The following GALNT5 variants were observed in gnomAD, a reference collection of about 807,000 sequenced individuals.
GALNT5 encodes polypeptide N-acetylgalactosaminyltransferase 5.
A neutral mutation model predicts 85.4 loss-of-function variants in GALNT5; 72 were observed. The observed-to-expected ratio is 0.84, with a 90% CI of 0.70 to 1.03. The LOEUF (loss-of-function observed/expected upper bound fraction) is 1.03. Ranked by LOEUF, GALNT5 falls within the 50% of genes least tolerant of loss-of-function variation. The probability of loss-of-function intolerance (pLI) is 0.00; values close to 1 mark genes in which losing one functional copy is unlikely to be tolerated. For missense variants in GALNT5, 1,137 were observed against 1,135.5 expected (o/e 1.00, Z -0.02); for synonymous variants, 404 against 397.0 (o/e 1.02, Z -0.21).
chr2:157,271,126 G>A (rs375880680), intron 1 of GALNT5, among the ~76,000 whole-genome samples: 1 of 151,900 alleles, frequency 6.6e-6, no homozygotes, highest in Non-Finnish European at 1.5e-5. Context: ...ATGTGAAAGC[G>A]TTGTCAGAGA....
chr2:157,305,819 G>A lies in GALNT5; in HGVS notation c.2510G>A (p.Gly837Glu), dbSNP rs1382445740. 1 of 1,588,804 alleles carries A rather than the reference G, an allele frequency of 6.3e-7. No homozygotes were observed. Among genetic ancestry groups the A allele is most frequent in the South Asian group, 1.1e-5 (1 of 90,544 alleles). ...ACAGTCATTCTGGAAGACTGCGATG[G>A]GAGCAAAGAGGTATGCTAAACTGTT... ...NTTVILEDCD[G>E]SKELQQFNYT... Residue 837 changes from glycine to glutamate, a missense_variant, in exon 8 of 10, where the codon GGG (glycine) becomes GAG (glutamate). Physicochemically the swap from Gly to Glu is moderately conservative, Grantham distance 98 (BLOSUM62 -2). Coordinates refer to ENST00000259056, the MANE Select transcript of GALNT5 (RefSeq NM_014568.3).
At chr2:157,292,130 CA>C (rs1376371553) in intron 3 of GALNT5, among the ~76,000 whole-genome samples, 1 of 152,066 alleles carries the variant, frequency 6.6e-6, no homozygotes, top group African/African-American at 2.4e-5. Context: ...CTTCATAGGG[CA>C]AAGCTCAAAA....
chr2:157,262,804 T>G (rs2105144436), intron 1 of GALNT5, among the ~76,000 whole-genome samples: 1 of 150,516 alleles, frequency 6.6e-6, no homozygotes, highest in South Asian at 2.1e-4. Context: ...AATGTTAAGA[T>G]TCAATTTCAC....
chr2:157,285,085 G>A (rs931543119), intron 2 of GALNT5, among the ~76,000 whole-genome samples: 3 of 152,154 alleles, frequency 2.0e-5, no homozygotes, highest in African/African-American at 7.2e-5. Flanking sequence ...ATTCCCAAAT[G>A]GAACCCATTT....
In GALNT5 at chr2:157,258,726, A is replaced by T; in HGVS notation, c.644A>T (p.Asp215Val). ...ACATCAAAACTAGCAGCTGAAAGGG[A>T]CTTGAATGTGACCATCAGTCTTAGT... is the stretch of plus-strand genomic sequence containing the variant. ...SDTSKLAAERDLNVTISLSTD... is the reference protein window; with the variant it reads ...SDTSKLAAERVLNVTISLSTD... The change falls in exon 1 of 10, where the codon GAC becomes GTC. Residue 215 changes from aspartate (D) to valine (V), a missense_variant. Asp to Val is a radical substitution (Grantham distance 152, BLOSUM62 -3). Transcript: ENST00000259056. 6.2e-7 allele frequency: 1 copy of T among 1,614,036 alleles called. No individual in the cohort carries two copies. The highest frequency in any genetic ancestry group is 1.3e-5 in the African/African-American group (1 of 75,020).
intron 2 of GALNT5, among the ~76,000 whole-genome samples, chr2:157,285,365 G>A (rs1418388399): frequency 6.6e-6 from 1 of 152,168 alleles, no homozygotes; most frequent in Admixed American, 6.5e-5. Context: ...GGGACCTGAA[G>A]CTTATTCAGT....
intron 7 of GALNT5, chr2:157,302,068 T>C (rs1009934254): frequency 6.6e-6 from 1 of 152,262 alleles, no homozygotes; most frequent in Non-Finnish European, 1.5e-5. Flanking sequence ...TTATTTCTAA[T>C]CTTTTATTTC....
rs2105168138 is a variant in GALNT5, at chr2:157,305,762, C to T, written c.2453C>T (p.Ala818Val). Residue 818 changes from alanine to valine, a missense_variant, in exon 8 of 10, where the codon GCT (alanine) becomes GTT (valine). Coordinates refer to ENST00000259056, the MANE Select transcript of GALNT5 (RefSeq NM_014568.3). ...TTTGCTTTTTAGCTTATTAATGTGG[C>T]TTTGGGTAAATGCATTTCCATTGAA... ...VRASGVLINVALGKCISIENT... is the reference protein window; with the variant it reads ...VRASGVLINVVLGKCISIENT... The T allele has an allele frequency of 2.5e-6, 4 of 1,600,080 alleles. No homozygotes were observed. Among genetic ancestry groups the T allele is most frequent in the Non-Finnish European group, 2.6e-6 (3 of 1,167,608 alleles).
chr2:157,298,577 C>G (rs1683267185), intron 5 of GALNT5, among the ~76,000 whole-genome samples: 1 of 152,214 alleles, frequency 6.6e-6, no homozygotes, highest in Non-Finnish European at 1.5e-5. Context: ...AACTTGGTAA[C>G]CCGGCCCTTG....
chr2:157,286,054 T>C lies in GALNT5; in HGVS notation c.1661T>C (p.Phe554Ser). Residue 554 changes from phenylalanine to serine, a missense_variant, in exon 3 of 10, where the codon TTT (phenylalanine) becomes TCT (serine). Coordinates refer to ENST00000259056, the MANE Select transcript of GALNT5 (RefSeq NM_014568.3). ...AATTTGGATAAATACATGTCCCAGT[T>C]TCCAAAAGTTCGGATTCTTCGCCTC... ...KDNLDKYMSQFPKVRILRLKE... is the reference protein window; with the variant it reads ...KDNLDKYMSQSPKVRILRLKE... 6 of 1,606,156 alleles carry C rather than the reference T, an allele frequency of 3.7e-6. No individual in the cohort carries two copies. The highest frequency in any genetic ancestry group is 5.1e-6 in the Non-Finnish European group (6 of 1,172,726).
At chr2:157,302,498 G>A (rs1023016884) in intron 7 of GALNT5, 1 of 151,460 alleles carries the variant, frequency 6.6e-6, no homozygotes, top group African/African-American at 2.4e-5. Flanking sequence ...CAGACATTTT[G>A]GATTTATATA....
At chr2:157,279,512 G>A (rs1385798063) in intron 1 of GALNT5, among the ~76,000 whole-genome samples, 2 of 152,222 alleles carry the variant, frequency 1.3e-5, no homozygotes, top group African/African-American at 4.8e-5. Flanking sequence ...ACCTACTCAA[G>A]CCTCAGCAAT....
At position 157,258,602 on chromosome 2, in the gene GALNT5, A is replaced by G; in HGVS notation, c.520A>G (p.Ile174Val). The change falls in exon 1 of 10, where the codon ATA becomes GTA. Residue 174 changes from isoleucine (I) to valine (V), a missense_variant. Physicochemically the swap from Ile to Val is conservative, Grantham distance 29 (BLOSUM62 3). Coordinates refer to ENST00000259056, the MANE Select transcript of GALNT5 (RefSeq NM_014568.3). Reference sequence around the variant, plus strand: ...TCAGGGGGCTCCAAAGACCTCATTCATAGCAGCAAAAGGAACTCAGGTAGT... The same window carrying G: ...TCAGGGGGCTCCAAAGACCTCATTCGTAGCAGCAAAAGGAACTCAGGTAGT... ...TAQGAPKTSFIAAKGTQVVKI... is the reference protein window; with the variant it reads ...TAQGAPKTSFVAAKGTQVVKI... 1 of 1,613,710 alleles carries G rather than the reference A, an allele frequency of 6.2e-7. No homozygotes were observed. Among genetic ancestry groups the G allele is most frequent in the East Asian group, 2.2e-5 (1 of 44,806 alleles).
intron 8 of GALNT5, 85 bp downstream of exon 8, chr2:157,305,914 G>A: frequency 2.6e-6 from 2 of 757,990 alleles, no homozygotes; most frequent in Non-Finnish European, 4.5e-6. Flanking sequence ...ATTCATCTTT[G>A]CCCAACAGAA....
At position 157,305,922 on chromosome 2, in the gene GALNT5, G is replaced by A. The variant is rs1246079849; in HGVS notation, c.2520+93G>A. 7.0e-6 allele frequency: 5 copies of A among 717,230 alleles called. No homozygotes were observed. The East Asian group carries it at 1.3e-4, about 19-fold the overall frequency. 44.4% of individuals were successfully genotyped at this position (717,230 alleles called of 1,614,324 possible). ...CTGAGAAATTCATCTTTGCCCAACAGAAAAATAATTTTCTAAATTTCTTTG... is the reference window on the plus strand; with the variant it reads ...CTGAGAAATTCATCTTTGCCCAACAAAAAAATAATTTTCTAAATTTCTTTG... On this transcript the variant is annotated intron_variant, in intron 8 of 9. Transcript: ENST00000259056.
intron 1 of GALNT5, among the ~76,000 whole-genome samples, chr2:157,282,245 C>T (rs1409432354): frequency 6.6e-6 from 1 of 151,922 alleles, no homozygotes; most frequent in Admixed American, 6.6e-5. Context: ...TAATATTAGC[C>T]TCAAATAATA....
At chr2:157,274,340 A>G (rs998896548) in intron 1 of GALNT5, among the ~76,000 whole-genome samples, 4 of 152,186 alleles carry the variant, frequency 2.6e-5, no homozygotes, top group Non-Finnish European at 5.9e-5. Flanking sequence ...TATACCCAGT[A>G]ATGGGATCAC....
At chr2:157,266,006 T>C (rs574290274) in intron 1 of GALNT5, among the ~76,000 whole-genome samples, 2 of 152,364 alleles carry the variant, frequency 1.3e-5, no homozygotes, top group South Asian at 4.1e-4. Context: ...TCAAGGTAGA[T>C]ACTATCATCA....
chr2:157,299,078 C>A, intron 5 of GALNT5: 1 of 157,280 alleles, frequency 6.4e-6, no homozygotes. Flanking sequence ...AGGAGACAGC[C>A]GCCTAGCCAG....
Sources: allele counts gnomAD v4.1 joint callset (sites outside exome capture counted in the v4.1 genomes callset), GRCh38; gene constraint gnomAD v4.1.1; transcripts MANE v1.5; gene names NCBI Gene and HGNC (gene_info 2026-07-23, HGNC 2026-07-21).